Variants in SASH1 observed in about 807,000 individuals in gnomAD.
The protein encoded by SASH1 is SAM and SH3 domain containing 1, also known as SAM and SH3 domain-containing protein 1.
SASH1 carries 44 observed loss-of-function variants against 125.2 expected under a neutral mutation model. That is an observed-to-expected ratio of 0.35 (90% confidence interval 0.28 to 0.45). The LOEUF is 0.45. Ranked by LOEUF, SASH1 falls within the 20% of genes least tolerant of loss-of-function variation. The pLI is 1.00. For synonymous variants in SASH1, 639 were observed against 649.1 expected, an observed-to-expected ratio of 0.98 and a Z score of 0.24; for missense variants, 1,426 against 1,614.5, an observed-to-expected ratio of 0.88 and a Z score of 2.00.
chr6:148,357,991 C>T (rs1213568865), intron 1 of SASH1, among the ~76,000 whole-genome samples: 8 of 134,942 alleles, frequency 5.9e-5, no homozygotes, highest in Admixed American at 5.3e-4. Flanking sequence ...ACCTGGGAGG[C>T]GGAGGTTGCA....
intron 11 of SASH1, among the ~76,000 whole-genome samples, chr6:148,527,113 C>T (rs1781224352): frequency 6.6e-6 from 1 of 152,084 alleles, no homozygotes; most frequent in African/African-American, 2.4e-5. Context: ...ACCTCGTGAT[C>T]CACCTGCCTC....
At chr6:148,287,838 C>G (rs571167679) in intron 1 of SASH1, among the ~76,000 whole-genome samples, 1 of 152,320 alleles carries the variant, frequency 6.6e-6, no homozygotes, top group African/African-American at 2.4e-5. Flanking sequence ...TCCCAGACAT[C>G]TCCCGTCTCC....
At chr6:148,249,291 T>TC in the SASH1 span, among the ~76,000 whole-genome samples, 2 of 152,218 alleles carry the variant, frequency 1.3e-5, no homozygotes, top group Non-Finnish European at 2.9e-5. Flanking sequence ...GAATGAATAC[T>TC]CCTGCAGAGA....
At chr6:148,498,676 T>C (rs1338945052) in intron 8 of SASH1, among the ~76,000 whole-genome samples, 1 of 152,332 alleles carries the variant, frequency 6.6e-6, no homozygotes, top group East Asian at 1.9e-4. Flanking sequence ...TTTCCCCTGC[T>C]AGCTGATTAT....
chr6:148,449,709 A>C (rs2115037282), intron 4 of SASH1, among the ~76,000 whole-genome samples: 1 of 152,284 alleles, frequency 6.6e-6, no homozygotes, highest in Non-Finnish European at 1.5e-5. Context: ...ATTTCTAAAG[A>C]AAAATGTTTA....
chr6:148,532,779 C>G lies in SASH1; in HGVS notation c.1565-18C>G. 6.2e-7 allele frequency: 1 copy of G among 1,613,506 alleles called. No individual in the cohort carries two copies. Among genetic ancestry groups the G allele is most frequent in the Non-Finnish European group, 8.5e-7 (1 of 1,179,646 alleles). ...GAAATCTGGATCTACCCGTGTTCTT[C>G]CTATGTTTCCTGTACAGGCGGTCAA... On this transcript the variant is annotated intron_variant, in intron 13 of 19. Coordinates refer to ENST00000367467, the MANE Select transcript of SASH1 (RefSeq NM_015278.5). The surrounding 1 kb of genome is among the most constrained non-coding windows in gnomAD (Gnocchi z 4.7).
chr6:148,519,557 G>A lies in SASH1; in HGVS notation c.873G>A (p.Glu291=), dbSNP rs957635188. ...MKKPSTEGGE[E]HVFENSPVLD... is the part of the protein sequence containing the mutation. ...TTGGTTTCCCTCCAGGTGGGGAGGA[G>A]CACGTGTTTGAGAATTCGCCGGTCC... is the stretch of plus-strand genomic sequence containing the variant. Residue 291 remains glutamate, a synonymous_variant, in exon 10 of 20, where the codon GAG becomes GAA. Transcript: ENST00000367467. This position sits in a 1 kb window ranked among gnomAD's most constrained non-coding sequence, Gnocchi z 4.8. 2 of 1,613,380 alleles carry A rather than the reference G, an allele frequency of 1.2e-6. No individual in the cohort carries two copies. The highest frequency in any genetic ancestry group is 1.3e-5 in the African/African-American group (1 of 75,020).
At chr6:148,211,125 C>G in the SASH1 span, among the ~76,000 whole-genome samples, 5 of 152,202 alleles carry the variant, frequency 3.3e-5, no homozygotes, top group Non-Finnish European at 7.3e-5. Context: ...TGCTACCTAC[C>G]TCAGAAACAA....
At chr6:148,538,961 G>A (rs1480771343) in intron 16 of SASH1, among the ~76,000 whole-genome samples, 4 of 152,190 alleles carry the variant, frequency 2.6e-5, no homozygotes, top group Non-Finnish European at 5.9e-5. Context: ...TGTAACCTCA[G>A]TGTCCCATGT....
chr6:148,265,427 C>T, the SASH1 span, among the ~76,000 whole-genome samples: 1 of 152,132 alleles, frequency 6.6e-6, no homozygotes, highest in Admixed American at 6.5e-5. Context: ...TGTTCTTTTA[C>T]ATCTTTCACT....
intron 4 of SASH1, among the ~76,000 whole-genome samples, chr6:148,458,885 C>T (rs574522050): frequency 1.3e-4 from 20 of 151,494 alleles, no homozygotes; most frequent in South Asian, 6.3e-4. Flanking sequence ...GAAGATTGCT[C>T]GACTCCAAGA....
At chr6:148,315,768 G>A (rs984205131) in intron 1 of SASH1, among the ~76,000 whole-genome samples, 5 of 152,144 alleles carry the variant, frequency 3.3e-5, no homozygotes, top group Admixed American at 1.3e-4. Context: ...GCTGGGTGTG[G>A]TGGTGCACGC....
intron 4 of SASH1, among the ~76,000 whole-genome samples, chr6:148,450,732 T>C (rs1385134920): frequency 6.6e-6 from 1 of 151,894 alleles, no homozygotes; most frequent in African/African-American, 2.4e-5. Context: ...GTATATATTA[T>C]ATTTGAGACT....
chr6:148,228,551 G>T, the SASH1 span, among the ~76,000 whole-genome samples: 1 of 152,194 alleles, frequency 6.6e-6, no homozygotes, highest in East Asian at 1.9e-4. Context: ...CATGAAAGAA[G>T]TGGTATTGGA....
At chr6:148,350,235 G>A (rs975505585) in intron 1 of SASH1, among the ~76,000 whole-genome samples, 1 of 152,126 alleles carries the variant, frequency 6.6e-6, no homozygotes, top group Non-Finnish European at 1.5e-5. Flanking sequence ...CTGGAGGATC[G>A]CTTGAGGCCA....
At chr6:148,307,076 CTTT>C (rs1780158570) in intron 1 of SASH1, among the ~76,000 whole-genome samples, 1 of 146,896 alleles carries the variant, frequency 6.8e-6, no homozygotes. Flanking sequence ...TTCTTTCTTT[CTTT>C]CTTTCTTTCT....
In SASH1 at chr6:148,368,762, A is replaced by ACGCGCG. The variant is rs781320365; in HGVS notation, c.157-21368_157-21363dup. Among the ~76,000 whole-genome samples the ACGCGCG allele has an allele frequency of 1.6e-4, 21 of 131,466 alleles. No individual in the cohort carries two copies. In the South Asian group the frequency reaches 4.3e-3, roughly 27 times the overall value. The allele number at this position is 131,466 out of a possible 152,430, so 86.2% of individuals were successfully genotyped here. The stretch of plus-strand genomic sequence containing the variant: ...TCCAACCTCCCCCACATGCGCGCGC[A>ACGCGCG]CGCGCGCGCACACACACACACACAC... On this transcript the variant is annotated intron_variant, in intron 1 of 19. Coordinates refer to ENST00000367467, the MANE Select transcript of SASH1 (RefSeq NM_015278.5).
At chr6:148,286,270 G>T (rs6913340) in intron 1 of SASH1, among the ~76,000 whole-genome samples, 3 of 151,898 alleles carry the variant, frequency 2.0e-5, no homozygotes, top group Admixed American at 6.6e-5. Context: ...GCGTGGTGGC[G>T]TATGCTTGTA....
chr6:148,307,038 TTCTTTC>T (rs1262244823), intron 1 of SASH1, among the ~76,000 whole-genome samples: 1 of 93,818 alleles, frequency 1.1e-5, no homozygotes, highest in Non-Finnish European at 2.2e-5. Flanking sequence ...CTTTCTTTCT[TTCTTTC>T]TTTCTTTCTT....
Sources: allele counts gnomAD v4.1 joint callset (sites outside exome capture counted in the v4.1 genomes callset), GRCh38; gene constraint gnomAD v4.1.1; non-coding constraint Gnocchi (gnomAD v3.1); transcripts MANE v1.5; gene names NCBI Gene and HGNC (gene_info 2026-07-23, HGNC 2026-07-21).